The following GPR179 variants were observed in gnomAD, a reference collection of about 807,000 sequenced individuals.
GPR179 encodes the protein G protein-coupled receptor 179, also known as probable G protein-coupled receptor 179.
Under a neutral mutation model 70.8 loss-of-function variants are expected in GPR179, and 52 were observed. The observed-to-expected ratio is 0.73, with a 90% confidence interval of 0.59 to 0.93. GPR179 has a LOEUF of 0.93. Among genes scored for constraint, GPR179 ranks in the 40% least tolerant of loss-of-function variants. The probability of loss-of-function intolerance (pLI) is 0.00; values close to 1 mark genes in which losing one functional copy is unlikely to be tolerated. For synonymous variants in GPR179, 1,123 were observed against 1,169.0 expected (o/e 0.96, Z 0.80); for missense variants, 2,734 against 2,966.8 (o/e 0.92, Z 1.82).
chr17:38,341,808 T>C (rs1441238009), intron 1 of GPR179, among the ~76,000 whole-genome samples: 1 of 152,062 alleles, frequency 6.6e-6, no homozygotes, highest in Non-Finnish European at 1.5e-5. Context: ...AGAGCATTGA[T>C]TCCAAGCCCC....
chr17:38,331,272 G>T lies in GPR179; in HGVS notation c.2297C>A (p.Pro766Gln). Residue 766 changes from proline to glutamine, a missense_variant, in exon 11 of 11, where the codon CCA becomes CAA. By Grantham distance (76) the Pro-to-Gln change is moderately conservative (BLOSUM62 -1). Coordinates refer to ENST00000616987, the MANE Select transcript of GPR179 (RefSeq NM_001004334.4). ...GGTGCTGCGGGACTTGTGCAGAGCTGGTGTCCCCTCGGGTTCCTGGAGGCT... is the reference window on the plus strand; with the variant it reads ...GGTGCTGCGGGACTTGTGCAGAGCTTGTGTCCCCTCGGGTTCCTGGAGGCT... ...SSSLQEPEGT[P>Q]ALHKSRSTYD... 1 of 1,593,154 alleles carries T rather than the reference G, an allele frequency of 6.3e-7. No homozygotes were observed. The highest frequency in any genetic ancestry group is 8.5e-7 in the Non-Finnish European group (1 of 1,170,514).
rs777594405 is a variant in GPR179, at chr17:38,333,969, T to C, written c.1854A>G (p.Thr618=). Residue 618 remains threonine, a synonymous_variant, in exon 9 of 11, where the codon ACA becomes ACG. Transcript: ENST00000616987. ...LLLFFFHTHS[T]VTTTLALIFI... is the part of the protein sequence containing the mutation. ...AGATCAGAGCCAGCGTGGTGGTGAC[T>C]GTGCTGTGGGTGTGGAAGAAGAAGA... The C allele has an allele frequency of 4.3e-6, 7 of 1,613,708 alleles. No homozygotes were observed. The South Asian group carries it at 7.7e-5, about 18-fold the overall frequency.
chr17:38,334,870 C>T lies in GPR179; in HGVS notation c.1646-28G>A, dbSNP rs777030214. The T allele has an allele frequency of 1.9e-5, 31 of 1,607,678 alleles. No individual in the cohort carries two copies. Among genetic ancestry groups the T allele is most frequent in the Admixed American group, 5.0e-5 (3 of 59,894 alleles). ...GTGGGGAGACAGGGAGGGAGAGAGC[C>T]GGCACCACCTCAGCAGCTGTCCCAC... On this transcript the variant is annotated intron_variant, in intron 7 of 10. Transcript: ENST00000616987. The surrounding 1 kb of genome is among the most constrained non-coding windows in gnomAD (Gnocchi z 4.7).
intron 1 of GPR179, among the ~76,000 whole-genome samples, chr17:38,340,227 C>G (rs1368914567): frequency 6.6e-6 from 1 of 152,232 alleles, no homozygotes. Flanking sequence ...ACCTCCACCT[C>G]TTTGGCTCAA....
At chr17:38,338,961 C>A (rs367548553) in intron 2 of GPR179, among the ~76,000 whole-genome samples, 1 of 152,196 alleles carries the variant, frequency 6.6e-6, no homozygotes, top group Non-Finnish European at 1.5e-5. Flanking sequence ...ATACTCCAAC[C>A]AGCAATTCCA....
rs1203791557 is a variant in GPR179, at chr17:38,343,757, A to G, written c.33T>C (p.Pro11=). The G allele has an allele frequency of 6.5e-7, 1 of 1,538,232 alleles. No homozygotes were observed. Among genetic ancestry groups the G allele is most frequent in the East Asian group, 2.3e-5 (1 of 44,186 alleles). ...AACAGCAGCCCAGCAGCCCCCACAT[A>G]GGAGGGGGCATGACCGCTCCCCTGG... MGTRGAVMPP[P]MWGLLGCCFV... is the part of the protein sequence containing the mutation. The change falls in exon 1 of 11, where the codon CCT becomes CCC. Residue 11 remains proline, a synonymous_variant. Transcript: ENST00000616987. This position sits in a 1 kb window ranked among gnomAD's most constrained non-coding sequence, Gnocchi z 4.2.
In GPR179 at chr17:38,328,856, CTGCGT is replaced by C; in HGVS notation, c.4708_4712del (p.Thr1570GlyfsTer28). The C allele has an allele frequency of 6.2e-7, 1 of 1,613,460 alleles. No individual in the cohort carries two copies. The highest frequency in any genetic ancestry group is 8.5e-7 in the Non-Finnish European group (1 of 1,179,858). ...GCCTGAGATCTTCCTGTGGACACAC[CTGCGT>C]TGCTCTGCTTCCTCCATTGCATAGG... is the stretch of plus-strand genomic sequence containing the variant. On this transcript the variant is annotated frameshift_variant, in exon 11 of 11. Transcript: ENST00000616987. LOFTEE classifies it low-confidence loss of function (END_TRUNC).
intron 2 of GPR179, 120 bp from the exon 3 acceptor site, chr17:38,337,840 G>C: frequency 1.2e-6 from 1 of 816,994 alleles, no homozygotes; most frequent in Non-Finnish European, 2.0e-6. Context: ...GTCCACACTA[G>C]GGAATCCCTC....
At chr17:38,339,344 G>T in intron 2 of GPR179, 73 bp downstream of exon 2, 2 of 916,844 alleles carry the variant, frequency 2.2e-6, no homozygotes, top group Non-Finnish European at 3.5e-6. Context: ...CCTGGGAGCT[G>T]CATGGTGGCG....
chr17:38,327,295 C>G lies in GPR179; in HGVS notation c.6274G>C (p.Asp2092His). The G allele has an allele frequency of 6.2e-7, 1 of 1,614,222 alleles. No homozygotes were observed. ...CTGCCTCTGCTTCTGTCAGAAGCAT[C>G]TGGGGCTGGCTGTGGGGACAGACCC... Reference protein sequence around the residue: ...GKGLSPQPAPDASDRSRGSSE... With the variant: ...GKGLSPQPAPHASDRSRGSSE... Residue 2092 changes from aspartate to histidine, a missense_variant, in exon 11 of 11, where the codon GAT becomes CAT. Asp to His is a moderately conservative substitution (Grantham distance 81). Coordinates refer to ENST00000616987, the MANE Select transcript of GPR179 (RefSeq NM_001004334.4).
rs2037334080 is a variant in GPR179 at position 38,329,837 on chromosome 17, G to A, written c.3732C>T (p.Cys1244=). The change falls in exon 11 of 11, where the codon TGC becomes TGT. Residue 1244 remains cysteine (C), a synonymous_variant. Coordinates refer to ENST00000616987, the MANE Select transcript of GPR179 (RefSeq NM_001004334.4). ...TTTCTGATTCAGTGACCTCCCAGGG[G>A]CATACCTCTGCCACCCTGTGGTCAG... The part of the protein sequence containing the change: ...GSADHRVAEV[C]PWEVTESETR... 1.2e-6 allele frequency: 2 copies of A among 1,614,148 alleles called. No homozygotes were observed. The highest frequency in any genetic ancestry group is 1.1e-5 in the South Asian group (1 of 91,074).
chr17:38,341,872 A>T (rs1337340121), intron 1 of GPR179, among the ~76,000 whole-genome samples: 1 of 152,016 alleles, frequency 6.6e-6, no homozygotes, highest in African/African-American at 2.4e-5. Context: ...AATCCCAGCA[A>T]TTTGGGAGGC....
chr17:38,330,536 G>T lies in GPR179; in HGVS notation c.3033C>A (p.Gly1011=), dbSNP rs1393148109. The change falls in exon 11 of 11, where the codon GGC becomes GGA. Residue 1011 remains glycine (G), a synonymous_variant. Transcript: ENST00000616987. ...PAKQENVPQE[G]PSGPERGHHS... is the part of the protein sequence containing the mutation. ...GGTGGCCTCGCTCTGGCCCTGAGGG[G>T]CCTTCCTGGGGCACATTTTCTTGCT... is the stretch of plus-strand genomic sequence containing the variant. 6.4e-7 allele frequency: 1 copy of T among 1,565,662 alleles called. No individual in the cohort carries two copies. The highest frequency in any genetic ancestry group is 1.4e-5 in the African/African-American group (1 of 73,494).
At position 38,333,936 on chromosome 17, in the gene GPR179, AGG is replaced by A; in HGVS notation, c.1885_1886del (p.Pro629Ter). ...VTTTLALIFI[P>X]KFWKLGAPPR... ...AGGCAGGAGGGGAGGGCCTCACCTTAGGGATGAAGATCAGAGCCAGCGTGGTG... is the reference window on the plus strand; with the variant it reads ...AGGCAGGAGGGGAGGGCCTCACCTTAGATGAAGATCAGAGCCAGCGTGGTG... On this transcript the variant is annotated frameshift_variant, in exon 9 of 11. Coordinates refer to ENST00000616987, the MANE Select transcript of GPR179 (RefSeq NM_001004334.4). LOFTEE classifies it high-confidence loss of function. 6.2e-7 allele frequency: 1 copy of A among 1,611,150 alleles called. No homozygotes were observed. The highest frequency in any genetic ancestry group is 1.1e-5 in the South Asian group (1 of 90,938).
At position 38,333,251 on chromosome 17, in the gene GPR179, C is replaced by T; in HGVS notation, c.2037G>A (p.Arg679=). The T allele has an allele frequency of 1.9e-6, 3 of 1,613,636 alleles. No homozygotes were observed. The highest frequency in any genetic ancestry group is 2.5e-6 in the Non-Finnish European group (3 of 1,179,696). Residue 679 remains arginine (R), a splice_region_variant and synonymous_variant, in exon 10 of 11, where the codon CGG becomes CGA. Coordinates refer to ENST00000616987, the MANE Select transcript of GPR179 (RefSeq NM_001004334.4). ...SEHSLDPGDI[R]DELKKLYAQL... ...AGGAGGCAGGGAGGGTGGCACATAC[C>T]CGAATGTCTCCAGGGTCCAGGCTGT...
intron 1 of GPR179, among the ~76,000 whole-genome samples, chr17:38,341,945 C>G (rs867588547): frequency 6.6e-6 from 1 of 152,036 alleles, no homozygotes; most frequent in Non-Finnish European, 1.5e-5. Flanking sequence ...TAGTGAAACC[C>G]CATCTCTACT....
intron 10 of GPR179, 73 bp downstream of exon 10, chr17:38,333,178 G>T: frequency 7.1e-7 from 1 of 1,403,410 alleles, no homozygotes; most frequent in Non-Finnish European, 9.9e-7. Flanking sequence ...AGCCCAGGTG[G>T]CAGGGCCCAG....
intron 1 of GPR179, among the ~76,000 whole-genome samples, chr17:38,340,751 C>T (rs1381150229): frequency 1.3e-5 from 2 of 152,050 alleles, no homozygotes; most frequent in Non-Finnish European, 2.9e-5. Flanking sequence ...AACCTTGTCT[C>T]TACTAAAAAT....
chr17:38,343,594 C>T lies in GPR179; in HGVS notation c.196G>A (p.Gly66Arg). Residue 66 changes from glycine (G) to arginine (R), a missense_variant, in exon 1 of 11, where the codon GGA (glycine) becomes AGA (arginine). Physicochemically the swap from Gly to Arg is moderately radical, Grantham distance 125 (BLOSUM62 -2). Coordinates refer to ENST00000616987, the MANE Select transcript of GPR179 (RefSeq NM_001004334.4). The surrounding 1 kb of genome is among the most constrained non-coding windows in gnomAD (Gnocchi z 4.2). ...ACCTGTGATAGCTGCTGGGCATCTC[C>T]AGAGTAGAGATAAGCGAGGGCGGCC... ...AEAALAYLYS[G>R]DAQQLSQVNC... The T allele has an allele frequency of 6.2e-7, 1 of 1,613,822 alleles. No homozygotes were observed. Among genetic ancestry groups the T allele is most frequent in the Non-Finnish European group, 8.5e-7 (1 of 1,179,998 alleles).
Sources: gnomAD v4.1 joint callset for allele counts (sites outside exome capture counted in the v4.1 genomes callset) on GRCh38, gnomAD v4.1.1 for gene constraint, Gnocchi (gnomAD v3.1) non-coding constraint, MANE v1.5 for transcripts, NCBI Gene and HGNC (gene_info 2026-07-23, HGNC 2026-07-21) for gene names.